Variants in RPRD2 observed in about 807,000 individuals in gnomAD.
RPRD2 encodes regulation of nuclear pre-mRNA domain-containing protein 2.
In RPRD2, 12 loss-of-function variants were observed where a neutral mutation model predicts 104.4. The ratio of observed to expected loss-of-function variants is 0.11; its 90% CI spans 0.07 to 0.19. The LOEUF (loss-of-function observed/expected upper bound fraction) is 0.19. Among genes scored for constraint, RPRD2 ranks in the 10% least tolerant of loss-of-function variants. RPRD2 has a pLI of 1.00. For missense variants in RPRD2, 1,543 were observed against 1,790.1 expected, an observed-to-expected ratio of 0.86 and a Z score of 2.49; for synonymous variants, 714 against 684.9, an observed-to-expected ratio of 1.04 and a Z score of -0.66.
At chr1:150,434,707 C>G (rs1665876996) in intron 2 of RPRD2, among the ~76,000 whole-genome samples, 1 of 151,994 alleles carries the variant, frequency 6.6e-6, no homozygotes. Flanking sequence ...ATCCTAGCTA[C>G]TCGGGAGGCT....
At chr1:150,391,795 C>T (rs1560162659) in intron 1 of RPRD2, among the ~76,000 whole-genome samples, 1 of 152,138 alleles carries the variant, frequency 6.6e-6, no homozygotes, top group Non-Finnish European at 1.5e-5. Context: ...GTAATCCCAG[C>T]TACTTGGGAG....
intron 1 of RPRD2, among the ~76,000 whole-genome samples, chr1:150,407,886 A>G (rs1663600795): frequency 6.6e-6 from 1 of 152,062 alleles, no homozygotes; most frequent in Non-Finnish European, 1.5e-5. Flanking sequence ...GGACGATCTA[A>G]TCTAAACTAG....
In RPRD2 at chr1:150,472,375, T is replaced by G. The variant is rs751003511; in HGVS notation, c.3427T>G (p.Ser1143Ala). The change falls in exon 11 of 11, where the codon TCA becomes GCA. Residue 1143 changes from serine (S) to alanine (A), a missense_variant. Ser to Ala is a moderately conservative substitution (Grantham distance 99). Transcript: ENST00000369068. The stretch of plus-strand genomic sequence containing the variant: ...AGGTAGCTCTTTTGACAATGGCCCT[T>G]CAAGTGCCTCTGAGTTGGCATCCCT... ...TSGSSFDNGPSSASELASLGG... is the reference protein window; with the variant it reads ...TSGSSFDNGPASASELASLGG... 6.2e-7 allele frequency: 1 copy of G among 1,613,952 alleles called. No homozygotes were observed. Among genetic ancestry groups the G allele is most frequent in the Non-Finnish European group, 8.5e-7 (1 of 1,179,868 alleles).
Position 150,407,641 on chromosome 1 carries a change from C to T in RPRD2, c.206-9955C>T, listed in dbSNP as rs1169341134. ...TCTACGTAGTTCAGTGTTCTTTCTGCTACCTTGATACTTTTTCAGATAATT... is the reference window on the plus strand; with the variant it reads ...TCTACGTAGTTCAGTGTTCTTTCTGTTACCTTGATACTTTTTCAGATAATT... On this transcript the variant is annotated intron_variant, in intron 1 of 10. Transcript: ENST00000369068. Among the ~76,000 whole-genome samples the T allele has an allele frequency of 2.0e-5, 3 of 152,140 alleles. No homozygotes were observed. The East Asian group carries it at 5.8e-4, about 29-fold the overall frequency.
chr1:150,414,456 G>T (rs1572425395), intron 1 of RPRD2, among the ~76,000 whole-genome samples: 1 of 151,322 alleles, frequency 6.6e-6, no homozygotes, highest in East Asian at 1.9e-4. Flanking sequence ...ACTATGCTAT[G>T]AGTAGAGAAG....
At chr1:150,429,222 A>C (rs896436554) in intron 2 of RPRD2, among the ~76,000 whole-genome samples, 1 of 151,810 alleles carries the variant, frequency 6.6e-6, no homozygotes, top group African/African-American at 2.4e-5. Flanking sequence ...TCTCCCAAGT[A>C]GCTGGGATTA....
At chr1:150,406,781 C>G (rs1158163040) in intron 1 of RPRD2, among the ~76,000 whole-genome samples, 1 of 152,144 alleles carries the variant, frequency 6.6e-6, no homozygotes, top group Non-Finnish European at 1.5e-5. Context: ...ATGGCGTGAT[C>G]TCGGCTCATT....
intron 1 of RPRD2, among the ~76,000 whole-genome samples, chr1:150,372,710 A>T (rs1660409557): frequency 6.6e-6 from 1 of 152,220 alleles, no homozygotes. Context: ...GTAAGGAGGT[A>T]TGATATTAAG....
chr1:150,472,958 C>T lies in RPRD2; in HGVS notation c.4010C>T (p.Ala1337Val), dbSNP rs780116367. 7 of 1,613,868 alleles carry T rather than the reference C, an allele frequency of 4.3e-6. No homozygotes were observed. Among genetic ancestry groups the T allele is most frequent in the Non-Finnish European group, 5.9e-6 (7 of 1,179,798 alleles). ...AGTTCCCTCCTTCAAGGGACCCTGG[C>T]TGAGCATTTTGGGGTACTCCCAGGA... ...DHSSLLQGTL[A>V]EHFGVLPGPR... The change falls in exon 11 of 11, where the codon GCT becomes GTT. Residue 1337 changes from alanine (A) to valine (V), a missense_variant. Around this residue, in one of 4 missense-constraint regions of RPRD2, gnomAD observed 880 missense variants for 885.6 expected, o/e 0.99. Coordinates refer to ENST00000369068, the MANE Select transcript of RPRD2 (RefSeq NM_015203.5).
chr1:150,411,061 G>T (rs834226), intron 1 of RPRD2, among the ~76,000 whole-genome samples: 1 of 152,160 alleles, frequency 6.6e-6, no homozygotes, highest in Non-Finnish European at 1.5e-5. Context: ...GCGTCTTATT[G>T]TGTTGCTCAG....
At chr1:150,424,794 C>T (rs1553890286) in intron 2 of RPRD2, among the ~76,000 whole-genome samples, 1 of 152,102 alleles carries the variant, frequency 6.6e-6, no homozygotes, top group East Asian at 1.9e-4. Flanking sequence ...CCTTAGTAAT[C>T]TTTAATTTTT....
At position 150,472,118 on chromosome 1, in the gene RPRD2, A is replaced by G. The variant is rs1413529185; in HGVS notation, c.3170A>G (p.Gln1057Arg). ...PSLTATDQQQ[Q>R]EEHYRIETRV... is the part of the protein sequence containing the mutation. ...TTGACCGCCACTGATCAGCAGCAAC[A>G]AGAAGAGCACTACCGCATAGAAACC... The change falls in exon 11 of 11, where the codon CAA (glutamine) becomes CGA (arginine). Residue 1057 changes from glutamine (Q) to arginine (R), a missense_variant. Around this residue, in one of 4 missense-constraint regions of RPRD2, gnomAD observed 880 missense variants for 885.6 expected, o/e 0.99. Transcript: ENST00000369068. The G allele has an allele frequency of 5.6e-6, 9 of 1,613,730 alleles. No homozygotes were observed. The highest frequency in any genetic ancestry group is 7.6e-6 in the Non-Finnish European group (9 of 1,179,898).
At chr1:150,420,711 A>G (rs1268548596) in intron 2 of RPRD2, among the ~76,000 whole-genome samples, 2 of 152,148 alleles carry the variant, frequency 1.3e-5, no homozygotes, top group Non-Finnish European at 2.9e-5. Context: ...CTGTAATCCC[A>G]GCTACTCGGG....
intron 2 of RPRD2, among the ~76,000 whole-genome samples, chr1:150,419,327 T>A (rs954207624): frequency 1.1e-4 from 17 of 152,176 alleles, no homozygotes; most frequent in African/African-American, 4.1e-4. Context: ...ATTGACCCAT[T>A]TGTTAGTATT....
Position 150,472,015 on chromosome 1 carries a change from G to T in RPRD2, c.3067G>T (p.Asp1023Tyr), listed in dbSNP as rs765113561. The T allele has an allele frequency of 2.5e-6, 4 of 1,613,914 alleles. No homozygotes were observed. Among genetic ancestry groups the T allele is most frequent in the Non-Finnish European group, 3.4e-6 (4 of 1,179,884 alleles). ...AAACGCCTCACGTAAGCCCTCAGAT[G>T]ATAAGCATTTTGGCCAGGCTCCCAG... The part of the protein sequence containing the change: ...LKNASRKPSD[D>Y]KHFGQAPSKG... Residue 1023 changes from aspartate (D) to tyrosine (Y), a missense_variant, in exon 11 of 11, where the codon GAT becomes TAT. By Grantham distance (160) the Asp-to-Tyr change is radical. Transcript: ENST00000369068.
intron 3 of RPRD2, 113 bp downstream of exon 3, chr1:150,441,136 G>T (rs1666380578): frequency 1.8e-6 from 1 of 547,802 alleles, no homozygotes; most frequent in South Asian, 2.9e-5. Context: ...TTTGAATCTA[G>T]CCCTATTTGT....
At chr1:150,428,454 CAA>C (rs34596290) in intron 2 of RPRD2, among the ~76,000 whole-genome samples, 261 of 71,216 alleles carry the variant, frequency 3.7e-3, no homozygotes, top group African/African-American at 8.7e-3. Context: ...GACTCTGTCT[CAA>C]AAAAAAAAAA....
chr1:150,393,249 C>G (rs587618831), intron 1 of RPRD2, among the ~76,000 whole-genome samples: 130 of 151,838 alleles, frequency 8.6e-4, no homozygotes, highest in Admixed American at 1.6e-3. Context: ...GCAGGCAGAT[C>G]GCTTGAGCCC....
intron 1 of RPRD2, among the ~76,000 whole-genome samples, chr1:150,411,857 G>A (rs1316154141): frequency 1.3e-5 from 2 of 151,150 alleles, no homozygotes; most frequent in Non-Finnish European, 2.9e-5. Context: ...TAGGCGCGGT[G>A]GCTCACGCCT....
Sources: gnomAD v4.1 joint callset for allele counts (sites outside exome capture counted in the v4.1 genomes callset) on GRCh38, gnomAD v4.1.1 for gene constraint, gnomAD v4.1.1 regional missense constraint, MANE v1.5 for transcripts, NCBI Gene and HGNC (gene_info 2026-07-23, HGNC 2026-07-21) for gene names.